The following UBTD1 variants were observed in gnomAD, a reference collection of about 807,000 sequenced individuals.
The protein encoded by UBTD1 is ubiquitin domain-containing protein 1.
A neutral mutation model predicts 21.7 loss-of-function variants in UBTD1; 19 were observed. The ratio of observed to expected loss-of-function variants is 0.87; its 90% CI spans 0.61 to 1.28. The LOEUF is 1.28. Among genes scored for constraint, UBTD1 ranks in the 50% most tolerant of loss-of-function variants. The probability of loss-of-function intolerance (pLI) is 0.00; values close to 1 mark genes in which losing one functional copy is unlikely to be tolerated. For synonymous variants in UBTD1, 116 were observed against 135.1 expected, an observed-to-expected ratio of 0.86 and a Z score of 0.98; for missense variants, 282 against 315.1, an observed-to-expected ratio of 0.89 and a Z score of 0.80.
At chr10:97,529,440 C>T (rs1253243089) in intron 1 of UBTD1, among the ~76,000 whole-genome samples, 3 of 152,320 alleles carry the variant, frequency 2.0e-5, no homozygotes, top group African/African-American at 4.8e-5. Flanking sequence ...TGTAGCGAGC[C>T]GAGATCACGC....
chr10:97,520,264 C>A (rs187243524), intron 1 of UBTD1, among the ~76,000 whole-genome samples: 31 of 152,176 alleles, frequency 2.0e-4, no homozygotes, highest in African/African-American at 6.8e-4. Context: ...ATCAAACCCT[C>A]ATGGGGCTCT....
intron 1 of UBTD1, among the ~76,000 whole-genome samples, chr10:97,504,274 G>A (rs1168795483): frequency 4.0e-5 from 6 of 151,652 alleles, no homozygotes; most frequent in African/African-American, 1.2e-4. Context: ...ACTAGCCAGC[G>A]TGATACTCTA....
At chr10:97,562,660 G>A (rs1421635838) in intron 1 of UBTD1, among the ~76,000 whole-genome samples, 1 of 152,144 alleles carries the variant, frequency 6.6e-6, no homozygotes, top group African/African-American at 2.4e-5. Context: ...CGGGGAGGCT[G>A]TATTGTCACA....
chr10:97,550,746 C>T (rs7475470), intron 1 of UBTD1, among the ~76,000 whole-genome samples: 41,143 of 152,042 alleles, frequency 0.27, 5,850 homozygotes, highest in East Asian at 0.49. Context: ...CACACACACA[C>T]GCATACACAC....
chr10:97,549,437 G>T (rs1030942645), intron 1 of UBTD1, among the ~76,000 whole-genome samples: 1 of 152,188 alleles, frequency 6.6e-6, no homozygotes, highest in African/African-American at 2.4e-5. Context: ...CATTTCACTC[G>T]CCCGTGCAGC....
chr10:97,531,985 A>G (rs1257489538), intron 1 of UBTD1, among the ~76,000 whole-genome samples: 1 of 152,236 alleles, frequency 6.6e-6, no homozygotes, highest in Admixed American at 6.5e-5. Flanking sequence ...GGCCAAGACC[A>G]GCAGGAAGAC....
intron 1 of UBTD1, among the ~76,000 whole-genome samples, chr10:97,514,294 C>A (rs2040434613): frequency 6.6e-6 from 1 of 152,108 alleles, no homozygotes; most frequent in African/African-American, 2.4e-5. Context: ...TCCACTGCTG[C>A]CCCAGGGGCT....
intron 2 of UBTD1, among the ~76,000 whole-genome samples, chr10:97,569,904 A>C (rs183394602): frequency 2.0e-5 from 3 of 150,996 alleles, no homozygotes; most frequent in African/African-American, 4.9e-5. Flanking sequence ...ACATAGGGAG[A>C]TCTTGTCTCA....
At chr10:97,512,933 G>T (rs1173132543) in intron 1 of UBTD1, among the ~76,000 whole-genome samples, 1 of 152,218 alleles carries the variant, frequency 6.6e-6, no homozygotes, top group Non-Finnish European at 1.5e-5. Context: ...GATGGATGGG[G>T]ACCCCTTTTG....
intron 1 of UBTD1, among the ~76,000 whole-genome samples, chr10:97,501,282 G>A (rs1418832684): frequency 6.6e-6 from 1 of 152,218 alleles, no homozygotes; most frequent in Non-Finnish European, 1.5e-5. Context: ...TTATAGTTCT[G>A]TGTTCAGAAT....
intron 1 of UBTD1, among the ~76,000 whole-genome samples, chr10:97,509,536 AG>A (rs1277847830): frequency 6.6e-6 from 1 of 152,178 alleles, no homozygotes; most frequent in African/African-American, 2.4e-5. Flanking sequence ...CCCCACTTTT[AG>A]GGGGAGCATA....
rs975827062 is a variant in UBTD1, at chr10:97,541,728, AT to A, written c.71-26163del. Among the ~76,000 whole-genome samples the A allele has an allele frequency of 8.2e-3, 807 of 98,882 alleles. 1 individual carries two copies. The highest frequency in any genetic ancestry group is 0.019 in the African/African-American group (440 of 23,044). The allele number at this position is 98,882 out of a possible 152,430, so 64.9% of individuals were successfully genotyped here. ...GGGAGTTAGACCTAGGTCCTCTCTG[AT>A]TTTTTTTTTTTTTTTTTTTTTTGAG... On this transcript the variant is annotated intron_variant, in intron 1 of 2. Coordinates refer to ENST00000370664, the MANE Select transcript of UBTD1 (RefSeq NM_024954.5).
chr10:97,542,522 C>T (rs2040591757), intron 1 of UBTD1, among the ~76,000 whole-genome samples: 2 of 152,202 alleles, frequency 1.3e-5, no homozygotes, highest in Admixed American at 1.3e-4. Flanking sequence ...AAAAAGAGGC[C>T]TTCATGTTCC....
intron 2 of UBTD1, 144 bp from the exon 3 acceptor site, chr10:97,569,992 CTT>C: frequency 8.2e-7 from 1 of 1,218,962 alleles, no homozygotes; most frequent in Admixed American, 2.3e-5. Flanking sequence ...CCTCATTTAA[CTT>C]TATTTATTTC....
intron 1 of UBTD1, among the ~76,000 whole-genome samples, chr10:97,500,459 T>G (rs2135649337): frequency 6.6e-6 from 1 of 152,326 alleles, no homozygotes; most frequent in Admixed American, 6.5e-5. Flanking sequence ...GCAGTAAAAC[T>G]TATTGAAATT....
chr10:97,566,907 A>C (rs2040719383), intron 1 of UBTD1, among the ~76,000 whole-genome samples: 1 of 152,028 alleles, frequency 6.6e-6, no homozygotes, highest in African/African-American at 2.4e-5. Flanking sequence ...TGTGGTTTGG[A>C]GTTGTCTTGG....
chr10:97,568,222 A>G (rs1030276998), intron 2 of UBTD1, 81 bp downstream of exon 2: 1 of 1,476,338 alleles, frequency 6.8e-7, no homozygotes, highest in African/African-American at 1.4e-5. Flanking sequence ...AGGAGTGTGG[A>G]GCGGTGGGGC....
chr10:97,535,972 A>ATTATTATTG (rs1554865896), intron 1 of UBTD1, among the ~76,000 whole-genome samples: 1 of 134,752 alleles, frequency 7.4e-6, no homozygotes, highest in African/African-American at 2.7e-5. Flanking sequence ...GAGAGAAATT[A>ATTATTATTG]TTATTATTAT....
chr10:97,527,324 A>G (rs2040494334), intron 1 of UBTD1, among the ~76,000 whole-genome samples: 1 of 151,924 alleles, frequency 6.6e-6, no homozygotes. Context: ...AAAAAATTTC[A>G]AAAAGAAAAA....
Sources: allele counts gnomAD v4.1 joint callset (sites outside exome capture counted in the v4.1 genomes callset), GRCh38; gene constraint gnomAD v4.1.1; transcripts MANE v1.5; gene names NCBI Gene and HGNC (gene_info 2026-07-23, HGNC 2026-07-21).